ECM1: variants seen among roughly 807,000 people sequenced by gnomAD.
ECM1 encodes secretory component p85.
ECM1 carries 54 observed loss-of-function variants against 57.9 expected under a neutral mutation model. The ratio of observed to expected loss-of-function variants is 0.93; its 90% CI spans 0.75 to 1.17. The LOEUF (loss-of-function observed/expected upper bound fraction) is 1.17. Among genes scored for constraint, ECM1 ranks in the 50% most tolerant of loss-of-function variants. The pLI, the probability that ECM1 is intolerant of heterozygous loss-of-function variation, is 0.00. For missense variants in ECM1, 649 were observed against 688.1 expected (o/e 0.94, Z 0.64); for synonymous variants, 237 against 259.1 (o/e 0.91, Z 0.82).
Position 150,511,182 on chromosome 1 carries a change from AGT to A in ECM1, c.696_697del (p.Ala233GlnfsTer13). 6.2e-7 allele frequency: 1 copy of A among 1,614,150 alleles called. No homozygotes were observed. Among genetic ancestry groups the A allele is most frequent in the East Asian group, 2.2e-5 (1 of 44,882 alleles). On this transcript the variant is annotated frameshift_variant, in exon 6 of 10. Transcript: ENST00000369047. LOFTEE classifies it high-confidence loss of function. ...TGCCGCAGCCACACAAACCGCCTAGAGTGTGCCAAACTTGTGGTAAGGTTGGG... is the reference window on the plus strand; with the variant it reads ...TGCCGCAGCCACACAAACCGCCTAGAGTGCCAAACTTGTGGTAAGGTTGGG...
Position 150,509,961 on chromosome 1 carries a change from A to T in ECM1, c.263A>T (p.Gln88Leu). The T allele has an allele frequency of 1.9e-6, 3 of 1,614,134 alleles. No homozygotes were observed. The highest frequency in any genetic ancestry group is 2.5e-6 in the Non-Finnish European group (3 of 1,180,008). ...TCTCAGGAGGCCACCCCTCTCCAAC[A>T]GGAAAAGCTGCTACCTGCCCAACTC... is the stretch of plus-strand genomic sequence containing the variant. ...PPSQEATPLQ[Q>L]EKLLPAQLPA... Residue 88 changes from glutamine to leucine, a missense_variant, in exon 4 of 10, where the codon CAG (glutamine) becomes CTG (leucine). Transcript: ENST00000369047.
chr1:150,513,728 C>G lies in ECM1; in HGVS notation c.*261C>G, dbSNP rs780621833. On this transcript the variant is annotated 3_prime_UTR_variant, in exon 10 of 10. Coordinates refer to ENST00000369047, the MANE Select transcript of ECM1 (RefSeq NM_004425.4). Reference sequence around the variant, plus strand: ...GCCCCTGAGGCCCACGGCCCTGCCCCCTTCACTGAGCAGATGTTCACAGGC... The same window carrying G: ...GCCCCTGAGGCCCACGGCCCTGCCCGCTTCACTGAGCAGATGTTCACAGGC... The G allele has an allele frequency of 1.1e-5, 5 of 437,274 alleles. No individual in the cohort carries two copies. In the South Asian group the frequency reaches 1.3e-4, roughly 12 times the overall value. 27.1% of individuals were successfully genotyped at this position (437,274 alleles called of 1,614,324 possible). A position where few individuals can be genotyped will look rare whatever the true frequency, so the allele number is the denominator to read the frequency against.
rs761697074 is a variant in ECM1 at position 150,509,421 on chromosome 1, G to T, written c.71-110G>T. On this transcript the variant is annotated intron_variant, in intron 1 of 9. Coordinates refer to ENST00000369047, the MANE Select transcript of ECM1 (RefSeq NM_004425.4). ...GCAGGTGAATACAGAGGGGCATCTC[G>T]TGTCTTGCTTGTCTGTCCTACACTC... The T allele has an allele frequency of 3.3e-6, 4 of 1,194,672 alleles. No individual in the cohort carries two copies. The East Asian group carries it at 7.1e-5, about 21-fold the overall frequency. The allele number at this position is 1,194,672 out of a possible 1,614,324, so 74.0% of individuals were successfully genotyped here.
chr1:150,509,287 A>G, intron 1 of ECM1: 1 of 594,760 alleles, frequency 1.7e-6, no homozygotes, highest in Non-Finnish European at 3.0e-6. Flanking sequence ...CTTTAGGCCC[A>G]ACCTCTGAGC....
chr1:150,512,658 C>A (rs79387366), intron 8 of ECM1, 67 bp from the exon 9 acceptor site: 7 of 1,610,262 alleles, frequency 4.3e-6, no homozygotes, highest in Non-Finnish European at 5.9e-6. Context: ...ATCATGATAT[C>A]CCAACCCCAT....
intron 1 of ECM1, among the ~76,000 whole-genome samples, chr1:150,508,951 T>G (rs1670352355): frequency 6.6e-6 from 1 of 152,118 alleles, no homozygotes; most frequent in Admixed American, 6.5e-5. Flanking sequence ...CACCTACAAG[T>G]GACCCTTCCC....
In ECM1 at chr1:150,512,752, C is replaced by T. The variant is rs1428675758; in HGVS notation, c.1332C>T (p.Asn444=). ...KHKHIPGLIH[N]MTARCCDLPF... is the part of the protein sequence containing the mutation. Reference sequence around the variant, plus strand: ...AACATATTCCTGGGCTGATCCACAACATGACTGCCCGCTGCTGTGACCTGC... The same window carrying T: ...AACATATTCCTGGGCTGATCCACAATATGACTGCCCGCTGCTGTGACCTGC... Residue 444 remains asparagine (N), a synonymous_variant, in exon 9 of 10, where the codon AAC becomes AAT. Transcript: ENST00000369047. 2 of 1,614,082 alleles carry T rather than the reference C, an allele frequency of 1.2e-6. No homozygotes were observed. The highest frequency in any genetic ancestry group is 1.7e-6 in the Non-Finnish European group (2 of 1,180,048).
rs777281010 is a variant in ECM1, at chr1:150,513,244, C to A, written c.1400C>A (p.Thr467Asn). The A allele has an allele frequency of 5.6e-5, 91 of 1,614,076 alleles. No individual in the cohort carries two copies. In the South Asian group the frequency reaches 9.3e-4, roughly 17 times the overall value. ...ACTTTTCTCATTCATCAGAAATTAA[C>A]CTTCATCAATGATCTGTGTGGTCCC... ...QACCAEEEKL[T>N]FINDLCGPRR... Residue 467 changes from threonine (T) to asparagine (N), a missense_variant, in exon 10 of 10, where the codon ACC (threonine) becomes AAC (asparagine). Transcript: ENST00000369047.
At chr1:150,513,091 C>A in intron 9 of ECM1, 146 bp from the exon 10 acceptor site, 1 of 875,550 alleles carries the variant, frequency 1.1e-6, no homozygotes, top group Non-Finnish European at 1.8e-6. Flanking sequence ...GCAAGGCAGT[C>A]TTGTACTCTC....
chr1:150,511,679 A>G lies in ECM1; in HGVS notation c.931A>G (p.Asn311Asp). Residue 311 changes from asparagine (N) to aspartate (D), a missense_variant, in exon 7 of 10, where the codon AAC becomes GAC. Transcript: ENST00000369047. ...PGVPTLDNIKNICHLRRFRSV... is the reference protein window; with the variant it reads ...PGVPTLDNIKDICHLRRFRSV... ...GGTGCCCACATTGGACAATATCAAG[A>G]ACATCTGCCACCTGAGGCGCTTCCG... 1 of 1,614,046 alleles carries G rather than the reference A, an allele frequency of 6.2e-7. No homozygotes were observed. The highest frequency in any genetic ancestry group is 2.2e-5 in the East Asian group (1 of 44,858).
At chr1:150,509,018 A>C (rs587729455) in intron 1 of ECM1, among the ~76,000 whole-genome samples, 95 of 152,256 alleles carry the variant, frequency 6.2e-4, no homozygotes, top group Non-Finnish European at 8.4e-4. Flanking sequence ...GGCGGAGCTG[A>C]GACTGGCTGA....
At position 150,508,154 on chromosome 1, in the gene ECM1, TC is replaced by T; in HGVS notation, c.-54del. The T allele has an allele frequency of 6.4e-6, 10 of 1,570,700 alleles. No individual in the cohort carries two copies. Among genetic ancestry groups the T allele is most frequent in the Non-Finnish European group, 8.8e-6 (10 of 1,141,072 alleles). On this transcript the variant is annotated 5_prime_UTR_variant, in exon 1 of 10. Transcript: ENST00000369047. ...AAGCTTCAGTGGCCGGCCCTTCACATCCAGACTTGCCTGAGAGGACCCACCT... is the reference window on the plus strand; with the variant it reads ...AAGCTTCAGTGGCCGGCCCTTCACATCAGACTTGCCTGAGAGGACCCACCT...
In ECM1 at chr1:150,513,433, A is replaced by G. The variant is rs1670498310; in HGVS notation, c.1589A>G (p.Asn530Ser). Residue 530 changes from asparagine (N) to serine (S), a missense_variant, in exon 10 of 10, where the codon AAT becomes AGT. Asn to Ser is a conservative substitution (Grantham distance 46, BLOSUM62 1). Transcript: ENST00000369047. The part of the protein sequence containing the change: ...QGEQGSTGGT[N>S]ISSTSEPKEE ...GAGCAGGGCTCAACTGGAGGAACAA[A>G]TATCAGCTCCACCTCTGAGCCCAAG... is the stretch of plus-strand genomic sequence containing the variant. 1.2e-6 allele frequency: 2 copies of G among 1,613,842 alleles called. No homozygotes were observed. Among genetic ancestry groups the G allele is most frequent in the African/African-American group, 1.3e-5 (1 of 75,050 alleles).
At position 150,512,341 on chromosome 1, in the gene ECM1, C is replaced by G; in HGVS notation, c.1084-11C>G. ...TGTCCAGCTTCTGACTTCCCTCTCT[C>G]TGGTCCACAGTGGGAGGATACCCTT... On this transcript the variant is annotated splice_polypyrimidine_tract_variant and intron_variant, in intron 7 of 9. Transcript: ENST00000369047. The G allele has an allele frequency of 6.2e-7, 1 of 1,612,770 alleles. No individual in the cohort carries two copies. Among genetic ancestry groups the G allele is most frequent in the East Asian group, 2.2e-5 (1 of 44,828 alleles).
chr1:150,513,375 T>A lies in ECM1; in HGVS notation c.1531T>A (p.Ser511Thr), dbSNP rs1670496502. 6.2e-7 allele frequency: 1 copy of A among 1,614,158 alleles called. No individual in the cohort carries two copies. Among genetic ancestry groups the A allele is most frequent in the Non-Finnish European group, 8.5e-7 (1 of 1,180,016 alleles). ...INYLRNVALV[S>T]GDTENAKGQG... ...TTATCTGAGGAACGTGGCTCTAGTG[T>A]CTGGAGACACTGAGAACGCCAAGGG... The change falls in exon 10 of 10, where the codon TCT becomes ACT. Residue 511 changes from serine to threonine, a missense_variant. By Grantham distance (58) the Ser-to-Thr change is moderately conservative. Transcript: ENST00000369047.
rs370194241 is a variant in ECM1, at chr1:150,510,197, C to T, written c.385+15C>T. 8.7e-6 allele frequency: 14 copies of T among 1,612,164 alleles called. No individual in the cohort carries two copies. In the African/African-American group the frequency reaches 1.6e-4, roughly 18 times the overall value. Reference sequence around the variant, plus strand: ...ACAGAAGGAAGGTAAGCAGCTCCCTCTCTTCTTTACCCACCTTTACCTCAT... The same window carrying T: ...ACAGAAGGAAGGTAAGCAGCTCCCTTTCTTCTTTACCCACCTTTACCTCAT... On this transcript the variant is annotated intron_variant, in intron 5 of 9. Transcript: ENST00000369047.
chr1:150,512,288 G>C, intron 7 of ECM1, 64 bp from the exon 8 acceptor site: 2 of 1,571,540 alleles, frequency 1.3e-6, no homozygotes, highest in Non-Finnish European at 1.7e-6. Flanking sequence ...GATAAGGGAA[G>C]TCGATGGTCA....
At chr1:150,510,069 C>T (rs1670395817) in intron 4 of ECM1, 33 bp from the exon 5 acceptor site, 1 of 1,613,654 alleles carries the variant, frequency 6.2e-7, no homozygotes, top group South Asian at 1.1e-5. Flanking sequence ...AGGCTGATCC[C>T]TGCTCCTTGG....
At position 150,509,642 on chromosome 1, in the gene ECM1, T is replaced by C. The variant is rs1670378505; in HGVS notation, c.122-19T>C. 2 of 1,613,392 alleles carry C rather than the reference T, an allele frequency of 1.2e-6. No homozygotes were observed. Among genetic ancestry groups the C allele is most frequent in the Non-Finnish European group, 1.7e-6 (2 of 1,179,618 alleles). On this transcript the variant is annotated intron_variant, in intron 2 of 9. Transcript: ENST00000369047. The stretch of plus-strand genomic sequence containing the variant: ...CCAGGAGGCACTGTGGGCTCTGATG[T>C]CTCCCCTCTTGCTTCTAGTTGGCTA...
Sources: gnomAD v4.1 joint callset for allele counts (sites outside exome capture counted in the v4.1 genomes callset) on GRCh38, gnomAD v4.1.1 for gene constraint, MANE v1.5 for transcripts, NCBI Gene and HGNC (gene_info 2026-07-23, HGNC 2026-07-21) for gene names.